Variants in KIAA1586 observed in about 807,000 individuals in gnomAD.
KIAA1586 encodes KIAA1586.
In KIAA1586, 5 loss-of-function variants were observed where a neutral mutation model predicts 6.1. That is an observed-to-expected ratio of 0.82 (90% CI 0.43 to 1.73). KIAA1586 has a LOEUF of 1.73. Among genes scored for constraint, KIAA1586 ranks in the 40% most tolerant of loss-of-function variants. The pLI is 0.02. For synonymous variants in KIAA1586, 280 were observed against 301.7 expected, an observed-to-expected ratio of 0.93 and a Z score of 0.75; for missense variants, 899 against 878.2, an observed-to-expected ratio of 1.02 and a Z score of -0.30.
At chr6:57,060,456 T>C in the KIAA1586 span, among the ~76,000 whole-genome samples, 6 of 152,332 alleles carry the variant, frequency 3.9e-5, no homozygotes, top group South Asian at 1.2e-3. Context: ...ATAGCTTCTG[T>C]ATTAGAAGTA....
In KIAA1586 at chr6:57,053,357, C is replaced by T. The variant is rs1407985862; in HGVS notation, c.858C>T (p.Tyr286=). 1 of 1,611,962 alleles carries T rather than the reference C, an allele frequency of 6.2e-7. No homozygotes were observed. The highest frequency in any genetic ancestry group is 8.5e-7 in the Non-Finnish European group (1 of 1,178,920). Residue 286 remains tyrosine (Y), a synonymous_variant, in exon 4 of 4, where the codon TAC becomes TAT. Coordinates refer to ENST00000370733, the MANE Select transcript of KIAA1586 (RefSeq NM_020931.4). ...AGGTAAATTGTTTAAATACACGTTACAGTGCAACAAGAATAGCAGAACATA... is the reference window on the plus strand; with the variant it reads ...AGGTAAATTGTTTAAATACACGTTATAGTGCAACAAGAATAGCAGAACATA... The part of the protein sequence containing the change: ...NGEVNCLNTR[Y]SATRIAEHIA...
chr6:57,053,755 TA>T lies in KIAA1586; in HGVS notation c.1259del (p.Asn420IlefsTer15). The part of the protein sequence containing the change: ...NFPEIIIWNC[L>X]NHRLQLSLDD... ...CCTGAAATCATCATTTGGAACTGTT[TA>T]AATCATCGATTACAATTGTCACTTG... On this transcript the variant is annotated frameshift_variant, in exon 4 of 4. Transcript: ENST00000370733. LOFTEE classifies it low-confidence loss of function (END_TRUNC). 1 of 1,597,274 alleles carries T rather than the reference TA, an allele frequency of 6.3e-7. No individual in the cohort carries two copies. Among genetic ancestry groups the T allele is most frequent in the Middle Eastern group, 1.7e-4 (1 of 5,984 alleles).
chr6:57,055,474 A>G (rs1407106439), downstream of KIAA1586, among the ~76,000 whole-genome samples: 1 of 151,888 alleles, frequency 6.6e-6, no homozygotes, highest in Non-Finnish European at 1.5e-5. Flanking sequence ...CTTGTGTGTC[A>G]TTTCCAATAT....
Position 57,054,405 on chromosome 6 carries a change from C to T in KIAA1586, c.1906C>T (p.Pro636Ser), listed in dbSNP as rs533441760. 1 of 1,609,854 alleles carries T rather than the reference C, an allele frequency of 6.2e-7. No individual in the cohort carries two copies. Among genetic ancestry groups the T allele is most frequent in the Admixed American group, 1.7e-5 (1 of 59,358 alleles). The change falls in exon 4 of 4, where the codon CCT becomes TCT. Residue 636 changes from proline (P) to serine (S), a missense_variant. Coordinates refer to ENST00000370733, the MANE Select transcript of KIAA1586 (RefSeq NM_020931.4). ...TTTTAATTACTTTGATTTGCTGGAA[C>T]CTTCCACATGGCCTTATGAAGAAAT... ...DIFNYFDLLEPSTWPYEEITS... is the reference protein window; with the variant it reads ...DIFNYFDLLESSTWPYEEITS...
chr6:57,062,306 G>T, the KIAA1586 span, among the ~76,000 whole-genome samples: 1 of 152,144 alleles, frequency 6.6e-6, no homozygotes, highest in Non-Finnish European at 1.5e-5. Context: ...TTTCTGTAGA[G>T]GTATAGAAGG....
At position 57,054,240 on chromosome 6, in the gene KIAA1586, T is replaced by C. The variant is rs1206465214; in HGVS notation, c.1741T>C (p.Leu581=). ...TGKYESQIED[L]IKSDKFKDIP... Reference sequence around the variant, plus strand: ...AAAGTATGAATCTCAAATTGAAGATTTGATCAAGTCAGATAAGTTTAAAGA... The same window carrying C: ...AAAGTATGAATCTCAAATTGAAGATCTGATCAAGTCAGATAAGTTTAAAGA... Residue 581 remains leucine, a synonymous_variant, in exon 4 of 4, where the codon TTG becomes CTG. Transcript: ENST00000370733. 2 of 1,596,018 alleles carry C rather than the reference T, an allele frequency of 1.3e-6. No homozygotes were observed. The highest frequency in any genetic ancestry group is 4.5e-5 in the East Asian group (2 of 44,744).
chr6:57,051,055 C>A (rs941479949), intron 3 of KIAA1586, among the ~76,000 whole-genome samples: 2 of 151,072 alleles, frequency 1.3e-5, no homozygotes, highest in Non-Finnish European at 2.9e-5. Flanking sequence ...CAAGGTGAAA[C>A]CCCCATCTCT....
At chr6:57,049,366 T>C (rs1828263145) in intron 2 of KIAA1586, among the ~76,000 whole-genome samples, 1 of 152,158 alleles carries the variant, frequency 6.6e-6, no homozygotes, top group Non-Finnish European at 1.5e-5. Context: ...AGTTCTCTGC[T>C]TGTGGGTTCT....
downstream of KIAA1586, among the ~76,000 whole-genome samples, chr6:57,057,240 A>G (rs1181915374): frequency 6.6e-6 from 1 of 152,084 alleles, no homozygotes; most frequent in African/African-American, 2.4e-5. Flanking sequence ...AAAAAAAAAA[A>G]AAGTACAAGG....
chr6:57,058,970 T>C (rs754639356), downstream of KIAA1586, among the ~76,000 whole-genome samples: 4 of 152,192 alleles, frequency 2.6e-5, no homozygotes, highest in Non-Finnish European at 5.9e-5. Context: ...ATCAATTATT[T>C]TGAAAAAGAT....
At chr6:57,050,980 A>G (rs914870112) in intron 3 of KIAA1586, 126 bp downstream of exon 3, 10 of 661,366 alleles carry the variant, frequency 1.5e-5, no homozygotes, top group African/African-American at 3.8e-5. Context: ...TTGTAATCCC[A>G]GCACTTTGGG....
downstream of KIAA1586, among the ~76,000 whole-genome samples, chr6:57,057,080 T>A (rs1053588525): frequency 6.6e-6 from 1 of 151,728 alleles, no homozygotes; most frequent in Non-Finnish European, 1.5e-5. Context: ...TACAAAAAAT[T>A]AGCTGGGCCT....
chr6:57,054,019 C>T lies in KIAA1586; in HGVS notation c.1520C>T (p.Ser507Phe), dbSNP rs993487357. Reference sequence around the variant, plus strand: ...TATCCTATATTATATATGCATTTTTCTCATTCTTACTCTGGTTTGGCGAAG... The same window carrying T: ...TATCCTATATTATATATGCATTTTTTTCATTCTTACTCTGGTTTGGCGAAG... ...HAYPILYMHF[S>F]HSYSGLAKRL... Residue 507 changes from serine (S) to phenylalanine (F), a missense_variant, in exon 4 of 4, where the codon TCT becomes TTT. Transcript: ENST00000370733. 6.2e-7 allele frequency: 1 copy of T among 1,608,896 alleles called. No homozygotes were observed.
At chr6:57,048,813 A>G (rs1828249489) in intron 2 of KIAA1586, among the ~76,000 whole-genome samples, 1 of 152,210 alleles carries the variant, frequency 6.6e-6, no homozygotes, top group Non-Finnish European at 1.5e-5. Context: ...GAAGTGACAT[A>G]CGTCTGATTC....
In KIAA1586 at chr6:57,052,890, C is replaced by T. The variant is rs1383793301; in HGVS notation, c.391C>T (p.Leu131Phe). ...TTCATCAAAGAAAGAAATAGATAATCTTGTGCTTCCAGATTGTTGGAATGA... is the reference window on the plus strand; with the variant it reads ...TTCATCAAAGAAAGAAATAGATAATTTTGTGCTTCCAGATTGTTGGAATGA... ...SLSSKKEIDN[L>F]VLPDCWNEKQ... Residue 131 changes from leucine to phenylalanine, a missense_variant, in exon 4 of 4, where the codon CTT (leucine) becomes TTT (phenylalanine). By Grantham distance (22) the Leu-to-Phe change is conservative (BLOSUM62 0). Coordinates refer to ENST00000370733, the MANE Select transcript of KIAA1586 (RefSeq NM_020931.4). The T allele has an allele frequency of 1.2e-6, 2 of 1,612,500 alleles. No individual in the cohort carries two copies. The highest frequency in any genetic ancestry group is 1.7e-6 in the Non-Finnish European group (2 of 1,179,432).
At chr6:57,049,853 G>T (rs1322681453) in intron 2 of KIAA1586, among the ~76,000 whole-genome samples, 3 of 152,166 alleles carry the variant, frequency 2.0e-5, no homozygotes, top group Non-Finnish European at 4.4e-5. Context: ...GATGAGGGTA[G>T]TGTATATGTA....
At chr6:57,050,484 ATT>A (rs369514249) in intron 2 of KIAA1586, among the ~76,000 whole-genome samples, 2 of 143,402 alleles carry the variant, frequency 1.4e-5, no homozygotes. Flanking sequence ...TACCCATCTG[ATT>A]TTTTTTTTTT....
intron 2 of KIAA1586, among the ~76,000 whole-genome samples, chr6:57,049,923 A>G (rs1828276549): frequency 6.6e-6 from 1 of 152,186 alleles, no homozygotes; most frequent in Non-Finnish European, 1.5e-5. Flanking sequence ...GTGGAGGATA[A>G]AGCAGGGTTA....
At chr6:57,064,464 T>C in the KIAA1586 span, among the ~76,000 whole-genome samples, 1 of 152,256 alleles carries the variant, frequency 6.6e-6, no homozygotes, top group East Asian at 1.9e-4. Context: ...CTGTGGTAGA[T>C]GTATGGTCAG....
Sources: allele counts gnomAD v4.1 joint callset (sites outside exome capture counted in the v4.1 genomes callset), GRCh38; gene constraint gnomAD v4.1.1; transcripts MANE v1.5; gene names NCBI Gene and HGNC (gene_info 2026-07-23, HGNC 2026-07-21).